The following INPPL1 variants were observed in gnomAD, a reference collection of about 807,000 sequenced individuals.
INPPL1 encodes the protein phosphatidylinositol 3,4,5-trisphosphate 5-phosphatase 2.
In INPPL1, 91 loss-of-function variants were observed where a neutral mutation model predicts 139.3. The ratio of observed to expected loss-of-function variants is 0.65; its 90% CI spans 0.55 to 0.78. INPPL1 has a LOEUF of 0.78. Among genes scored for constraint, INPPL1 ranks in the 30% least tolerant of loss-of-function variants. The pLI is 0.00. For synonymous variants in INPPL1, 719 were observed against 686.6 expected (o/e 1.05, Z -0.74); for missense variants, 1,411 against 1,665.6 (o/e 0.85, Z 2.66).
In INPPL1 at chr11:72,234,315, G is replaced by C; in HGVS notation, c.2247G>C (p.Glu749Asp). The change falls in exon 20 of 28, where the codon GAG becomes GAC. Residue 749 changes from glutamate to aspartate, a missense_variant. This residue lies in a region of INPPL1 where 363 missense variants were observed against 446.2 expected (regional missense o/e 0.81). Transcript: ENST00000298229. The surrounding 1 kb of genome is among the most constrained non-coding windows in gnomAD (Gnocchi z 4.2). ...LSKTSDQAYI[E>D]FESIEAIVKT... ...AGACTTCAGACCAGGCCTACATTGAGTTTGAGAGCATCGAGGCCATTGTGA... is the reference window on the plus strand; with the variant it reads ...AGACTTCAGACCAGGCCTACATTGACTTTGAGAGCATCGAGGCCATTGTGA... 1 of 1,614,122 alleles carries C rather than the reference G, an allele frequency of 6.2e-7. No homozygotes were observed. The highest frequency in any genetic ancestry group is 1.3e-5 in the African/African-American group (1 of 75,046).
chr11:72,232,570 C>T, intron 14 of INPPL1, 56 bp from the exon 15 acceptor site: 2 of 1,596,008 alleles, frequency 1.3e-6, no homozygotes, highest in East Asian at 2.2e-5. Flanking sequence ...CTATCCCTGA[C>T]TTCTGGCCCT....
chr11:72,229,846 C>T (rs900076023), intron 7 of INPPL1, 78 bp from the exon 8 acceptor site: 28 of 1,556,710 alleles, frequency 1.8e-5, no homozygotes, highest in Non-Finnish European at 1.9e-5. Flanking sequence ...TTAACATTGG[C>T]CCCAAGGTCA....
chr11:72,226,675 A>G (rs945238459), intron 1 of INPPL1, among the ~76,000 whole-genome samples: 13 of 152,318 alleles, frequency 8.5e-5, no homozygotes, highest in Admixed American at 3.3e-4. Flanking sequence ...AAGGGGCCCT[A>G]TAAGTCTTAG....
chr11:72,236,799 C>T (rs747656925), intron 25 of INPPL1, among the ~76,000 whole-genome samples: 3 of 152,186 alleles, frequency 2.0e-5, no homozygotes, highest in Non-Finnish European at 4.4e-5. Flanking sequence ...CAAACCTGGC[C>T]TCTCATTGGA....
intron 14 of INPPL1, 67 bp from the exon 15 acceptor site, chr11:72,232,559 C>A (rs1338382275): frequency 1.3e-6 from 2 of 1,569,896 alleles, no homozygotes; most frequent in Admixed American, 1.7e-5. Context: ...TCCCTTTATG[C>A]CTATCCCTGA....
At chr11:72,229,015 C>G (rs1450416549) in intron 4 of INPPL1, 75 bp from the exon 5 acceptor site, 9 of 1,538,174 alleles carry the variant, frequency 5.9e-6, no homozygotes, top group East Asian at 4.5e-5. Context: ...CAGGTACTAT[C>G]TCCTCTAGGG....
At chr11:72,230,084 C>G (rs988183240) in intron 8 of INPPL1, 37 bp from the exon 9 acceptor site, 1 of 1,612,688 alleles carries the variant, frequency 6.2e-7, no homozygotes, top group African/African-American at 1.3e-5. Flanking sequence ...CTGCCTACTC[C>G]AAGGTCTTGT....
rs1410095267 is a variant in INPPL1, at chr11:72,235,339, C to T, written c.2547C>T (p.Ala849=). 6.2e-7 allele frequency: 1 copy of T among 1,613,950 alleles called. No homozygotes were observed. The highest frequency in any genetic ancestry group is 8.5e-7 in the Non-Finnish European group (1 of 1,180,008). The change falls in exon 23 of 28, where the codon GCC becomes GCT. Residue 849 remains alanine (A), a synonymous_variant. Transcript: ENST00000298229. This position sits in a 1 kb window ranked among gnomAD's most constrained non-coding sequence, Gnocchi z 4.9. Reference sequence around the variant, plus strand: ...TCAAATCCATGATCGGCAGCACGGCCCAACAGTTCCTGACCTTCCTATCCC... The same window carrying T: ...TCAAATCCATGATCGGCAGCACGGCTCAACAGTTCCTGACCTTCCTATCCC... ...VALKSMIGST[A]QQFLTFLSHR...
rs371980501 is a variant in INPPL1, at chr11:72,231,205, C to G, written c.1497+16C>G. 65 of 1,602,600 alleles carry G rather than the reference C, an allele frequency of 4.1e-5. 1 individual carries two copies. The highest frequency in any genetic ancestry group is 5.3e-5 in the Non-Finnish European group (62 of 1,176,190). On this transcript the variant is annotated intron_variant, in intron 12 of 27. Transcript: ENST00000298229. ...TTACCGCCCGGTGAGGGGGGGTCAT[C>G]TTGTCCAGGACCCTGTCCTCACACA... is the stretch of plus-strand genomic sequence containing the variant.
chr11:72,226,281 A>G (rs1042706245), intron 1 of INPPL1, among the ~76,000 whole-genome samples: 1 of 151,264 alleles, frequency 6.6e-6, no homozygotes, highest in African/African-American at 2.4e-5. Flanking sequence ...CCTGGATTCA[A>G]GTGATTCTTC....
Position 72,228,075 on chromosome 11 carries a change from A to C in INPPL1, c.183-115A>C. On this transcript the variant is annotated intron_variant, in intron 1 of 27. Coordinates refer to ENST00000298229, the MANE Select transcript of INPPL1 (RefSeq NM_001567.4). This position sits in a 1 kb window ranked among gnomAD's most constrained non-coding sequence, Gnocchi z 5.0. ...CTGTGCAGCCTGGGCAGGTGGTTTTAGGGAAACCAAGCTGAGGGGGTTGGG... is the reference window on the plus strand; with the variant it reads ...CTGTGCAGCCTGGGCAGGTGGTTTTCGGGAAACCAAGCTGAGGGGGTTGGG... The C allele has an allele frequency of 9.4e-7, 1 of 1,058,702 alleles. No homozygotes were observed. The highest frequency in any genetic ancestry group is 1.8e-5 in the Admixed American group (1 of 55,586). The allele number at this position is 1,058,702 out of a possible 1,614,324, so 65.6% of individuals were successfully genotyped here.
rs1330934442 is a variant in INPPL1 at position 72,237,546 on chromosome 11, C to T, written c.3302C>T (p.Pro1101Leu). ...GCCCATCCAAGGCCTCCACTGCCCCCAGGCCCCTCACCAGCCAGCACTTTC... is the reference window on the plus strand; with the variant it reads ...GCCCATCCAAGGCCTCCACTGCCCCTAGGCCCCTCACCAGCCAGCACTTTC... ...PKAHPRPPLP[P>L]GPSPASTFLG... Residue 1101 changes from proline to leucine, a missense_variant, in exon 26 of 28, where the codon CCA (proline) becomes CTA (leucine). Pro to Leu is a moderately conservative substitution (Grantham distance 98). Transcript: ENST00000298229. 3 of 1,601,772 alleles carry T rather than the reference C, an allele frequency of 1.9e-6. No individual in the cohort carries two copies. Among genetic ancestry groups the T allele is most frequent in the Non-Finnish European group, 2.6e-6 (3 of 1,172,112 alleles).
In INPPL1 at chr11:72,237,226, C is replaced by T. The variant is rs202183296; in HGVS notation, c.2982C>T (p.His994=). 1.2e-6 allele frequency: 2 copies of T among 1,614,034 alleles called. No individual in the cohort carries two copies. Among genetic ancestry groups the T allele is most frequent in the African/African-American group, 1.3e-5 (1 of 75,052 alleles). ...PAYYVLEGVP[H]QLLPPEPPSP... is the part of the protein sequence containing the mutation. The stretch of plus-strand genomic sequence containing the variant: ...ACTACGTCCTTGAAGGGGTCCCGCA[C>T]CAGCTGCTGCCCCCGGAGCCACCCT... The change falls in exon 26 of 28, where the codon CAC becomes CAT. Residue 994 remains histidine, a synonymous_variant. Transcript: ENST00000298229.
Position 72,238,448 on chromosome 11 carries a change from CAGTAT to C in INPPL1, c.*96_*100del. 1.0e-6 allele frequency: 1 copy of C among 999,744 alleles called. No homozygotes were observed. The highest frequency in any genetic ancestry group is 1.4e-6 in the Non-Finnish European group (1 of 703,060). 61.9% of individuals were successfully genotyped at this position (999,744 alleles called of 1,614,324 possible). A position where few individuals can be genotyped will look rare whatever the true frequency, so the allele number is the denominator to read the frequency against. On this transcript the variant is annotated 3_prime_UTR_variant, in exon 28 of 28. Transcript: ENST00000298229. Reference sequence around the variant, plus strand: ...GGTTGAAAAGTTATGAGGGTCAGGGCAGTATCTCTCTGCCTATTTATTGGGGTGCC... The same window carrying C: ...GGTTGAAAAGTTATGAGGGTCAGGGCCTCTCTGCCTATTTATTGGGGTGCC...
chr11:72,228,866 C>G lies in INPPL1; in HGVS notation c.518+19C>G, dbSNP rs970723867. On this transcript the variant is annotated intron_variant, in intron 4 of 27. Transcript: ENST00000298229. The surrounding 1 kb of genome is among the most constrained non-coding windows in gnomAD (Gnocchi z 5.0). Reference sequence around the variant, plus strand: ...CTGAGAGGTGAGACCCCCATCCCATCCACTGAACAGGAGACCCTTTCTCCT... The same window carrying G: ...CTGAGAGGTGAGACCCCCATCCCATGCACTGAACAGGAGACCCTTTCTCCT... 4.1e-5 allele frequency: 64 copies of G among 1,568,822 alleles called. No individual in the cohort carries two copies. Among genetic ancestry groups the G allele is most frequent in the Non-Finnish European group, 4.6e-5 (53 of 1,160,686 alleles).
rs771083237 is a variant in INPPL1 at position 72,228,521 on chromosome 11, C to T, written c.397+23C>T. On this transcript the variant is annotated intron_variant, in intron 3 of 27. Transcript: ENST00000298229. The surrounding 1 kb of genome is among the most constrained non-coding windows in gnomAD (Gnocchi z 5.0). ...CAGGTACTTCCCAGTGTGCAGGTCCCCTCCCTGCCCCTGTCCCTTGGCTCT... is the reference window on the plus strand; with the variant it reads ...CAGGTACTTCCCAGTGTGCAGGTCCTCTCCCTGCCCCTGTCCCTTGGCTCT... The T allele has an allele frequency of 2.9e-5, 47 of 1,600,570 alleles. 1 individual carries two copies. In the Admixed American group the frequency reaches 7.2e-4, roughly 24 times the overall value.
intron 25 of INPPL1, among the ~76,000 whole-genome samples, 159 bp downstream of exon 25, chr11:72,236,145 C>T (rs1403400920): frequency 6.6e-6 from 1 of 152,250 alleles, no homozygotes; most frequent in East Asian, 1.9e-4. Flanking sequence ...TGTGGCCAGC[C>T]AGGCCACCCT....
rs1424091332 is a variant in INPPL1, at chr11:72,231,040, G to A, written c.1348G>A (p.Gly450Ser). 6.2e-7 allele frequency: 1 copy of A among 1,614,052 alleles called. No homozygotes were observed. Among genetic ancestry groups the A allele is most frequent in the Middle Eastern group, 1.6e-4 (1 of 6,062 alleles). The change falls in exon 12 of 28, where the codon GGT becomes AGT. Residue 450 changes from glycine to serine, a missense_variant. Gly to Ser is a moderately conservative substitution (Grantham distance 56, BLOSUM62 0). Around this residue, in one of 5 missense-constraint regions of INPPL1, gnomAD observed 504 missense variants for 595.6 expected, o/e 0.85. Coordinates refer to ENST00000298229, the MANE Select transcript of INPPL1 (RefSeq NM_001567.4). The stretch of plus-strand genomic sequence containing the variant: ...CGTGACATCCTGGTTCACATCGAAG[G>A]GTCTGGGGAAGACCCTGGACGAGGT... ...KNVTSWFTSK[G>S]LGKTLDEVTV...
Position 72,237,593 on chromosome 11 carries a change from G to C in INPPL1, c.3349G>C (p.Asp1117His). 6.3e-7 allele frequency: 1 copy of C among 1,599,864 alleles called. No homozygotes were observed. Among genetic ancestry groups the C allele is most frequent in the Non-Finnish European group, 8.5e-7 (1 of 1,170,638 alleles). The change falls in exon 26 of 28, where the codon GAT (aspartate) becomes CAT (histidine). Residue 1117 changes from aspartate (D) to histidine (H), a missense_variant. By Grantham distance (81) the Asp-to-His change is moderately conservative. This residue lies in a region of INPPL1 where 438 missense variants were observed against 425.7 expected (regional missense o/e 1.03). Coordinates refer to ENST00000298229, the MANE Select transcript of INPPL1 (RefSeq NM_001567.4). ...STFLGEVASG[D>H]DRSCSVLQMA... Reference sequence around the variant, plus strand: ...TTTCCTGGGGGAAGTGGCCAGTGGGGATGACCGGTCCTGCTCGGTGCTGCA... The same window carrying C: ...TTTCCTGGGGGAAGTGGCCAGTGGGCATGACCGGTCCTGCTCGGTGCTGCA...
Sources: allele counts gnomAD v4.1 joint callset (sites outside exome capture counted in the v4.1 genomes callset), GRCh38; gene constraint gnomAD v4.1.1; regional missense constraint gnomAD v4.1.1; non-coding constraint Gnocchi (gnomAD v3.1); transcripts MANE v1.5; gene names NCBI Gene and HGNC (gene_info 2026-07-23, HGNC 2026-07-21).